PDXDC1: variants seen among roughly 807,000 people sequenced by gnomAD.
PDXDC1 encodes the protein pyridoxal dependent decarboxylase domain containing 1.
In PDXDC1, 42 loss-of-function variants were observed where a neutral mutation model predicts 100.1. The observed-to-expected ratio is 0.42, with a 90% CI of 0.33 to 0.54. The LOEUF (loss-of-function observed/expected upper bound fraction) is 0.54. Among genes scored for constraint, PDXDC1 ranks in the 20% least tolerant of loss-of-function variants. The probability of loss-of-function intolerance (pLI) is 0.10; values close to 1 mark genes in which losing one functional copy is unlikely to be tolerated. For missense variants in PDXDC1, 636 were observed against 979.2 expected (o/e 0.65, Z 4.68); for synonymous variants, 260 against 371.7 (o/e 0.70, Z 3.46).
At chr16:15,031,706 C>A in intron 16 of PDXDC1, 29 bp from the exon 17 acceptor site, 2 of 1,590,168 alleles carry the variant, frequency 1.3e-6, no homozygotes, top group East Asian at 2.3e-5. Flanking sequence ...ATCTCGTGAG[C>A]ATTTCTCTGA....
In PDXDC1 at chr16:15,037,389, T is replaced by A. The variant is rs1365286044; in HGVS notation, c.*1114T>A. 6.6e-6 allele frequency: 1 copy of A among 152,206 alleles called. No individual in the cohort carries two copies. The highest frequency in any genetic ancestry group is 1.5e-5 in the Non-Finnish European group (1 of 68,058). The allele number at this position is 152,206 out of a possible 1,614,324, so 9.4% of individuals were successfully genotyped here. On this transcript the variant is annotated 3_prime_UTR_variant, in exon 23 of 23. Coordinates refer to ENST00000396410, the MANE Select transcript of PDXDC1 (RefSeq NM_015027.4). Reference sequence around the variant, plus strand: ...TTCACACTGGGTTTCTGGACTGTAGTATTGGAAGCCTTAGTTATAGTATAT... The same window carrying A: ...TTCACACTGGGTTTCTGGACTGTAGAATTGGAAGCCTTAGTTATAGTATAT...
chr16:15,031,799 G>T lies in PDXDC1; in HGVS notation c.1464G>T (p.Val488=). 6.2e-7 allele frequency: 1 copy of T among 1,613,986 alleles called. No homozygotes were observed. The highest frequency in any genetic ancestry group is 1.1e-5 in the South Asian group (1 of 91,082). The change falls in exon 17 of 23, where the codon GTG becomes GTT. Residue 488 remains valine (V), a synonymous_variant. Coordinates refer to ENST00000396410, the MANE Select transcript of PDXDC1 (RefSeq NM_015027.4). ...CCTGCATAGAAAGCAAACTGCCAGT[G>T]CTGTGCTGTACGCTCCAGTTGCGTG... ...LVACIESKLP[V]LCCTLQLREE...
chr16:14,984,871 A>G (rs1050470868), intron 1 of PDXDC1, among the ~76,000 whole-genome samples: 6 of 152,278 alleles, frequency 3.9e-5, no homozygotes, highest in South Asian at 2.1e-4. Context: ...TTTTCAAAAG[A>G]TGAAATTTTT....
At chr16:15,099,660 AG>A (rs1466788283) in intron 16 of PDXDC1, among the ~76,000 whole-genome samples, 1 of 152,078 alleles carries the variant, frequency 6.6e-6, no homozygotes, top group Non-Finnish European at 1.5e-5. Context: ...CTCCAAAAAG[AG>A]AAACAACAAA....
At chr16:14,998,603 C>CAT (rs1178196940) in intron 3 of PDXDC1, among the ~76,000 whole-genome samples, 198 bp downstream of exon 3, 1 of 152,272 alleles carries the variant, frequency 6.6e-6, no homozygotes, top group Non-Finnish European at 1.5e-5. Flanking sequence ...CGTGCACCAC[C>CAT]ATATCTGGCT....
At chr16:15,094,417 A>G (rs1011003603) in intron 16 of PDXDC1, 1 of 626,422 alleles carries the variant, frequency 1.6e-6, no homozygotes, top group Non-Finnish European at 2.8e-6. Flanking sequence ...TTCTACTTGG[A>G]GGACTTGTTC....
downstream of PDXDC1, among the ~76,000 whole-genome samples, chr16:15,141,058 C>T (rs2048466263): frequency 6.7e-6 from 1 of 150,032 alleles, no homozygotes. Flanking sequence ...CGGCCTCCAT[C>T]CCTGAGCACC....
At chr16:15,074,980 C>T (rs1174677609) in intron 16 of PDXDC1, 16 of 1,031,720 alleles carry the variant, frequency 1.6e-5, no homozygotes, top group South Asian at 1.4e-4. Flanking sequence ...CTGGGGAAAG[C>T]GGCTCACATC....
intron 16 of PDXDC1, among the ~76,000 whole-genome samples, chr16:15,086,610 A>T (rs1368145236): frequency 2.6e-5 from 4 of 152,258 alleles, no homozygotes; most frequent in African/African-American, 4.8e-5. Flanking sequence ...ACAGAAAAAG[A>T]TGTCACAATA....
At chr16:15,032,474 C>T (rs945726270) in intron 17 of PDXDC1, 2 of 174,798 alleles carry the variant, frequency 1.1e-5, no homozygotes, top group African/African-American at 2.4e-5. Flanking sequence ...GACAACATGG[C>T]GAAACCCCAT....
intron 16 of PDXDC1, among the ~76,000 whole-genome samples, chr16:15,073,358 G>C (rs1349651737): frequency 6.6e-6 from 1 of 152,196 alleles, no homozygotes; most frequent in Admixed American, 6.5e-5. Context: ...ATGGGAGGCT[G>C]AGGCGGATGA....
chr16:15,040,577 C>G (rs1441928359), downstream of PDXDC1: 1 of 173,514 alleles, frequency 5.8e-6, no homozygotes, highest in African/African-American at 2.4e-5. Context: ...CCGCGGGAGT[C>G]CTGGGGCTGC....
chr16:15,012,317 C>G (rs1278894720), intron 8 of PDXDC1, among the ~76,000 whole-genome samples: 1 of 152,220 alleles, frequency 6.6e-6, no homozygotes, highest in Non-Finnish European at 1.5e-5. Flanking sequence ...GTTGGCCAGG[C>G]TGGTCTTGAA....
At chr16:15,023,156 A>C (rs1299310423) in intron 13 of PDXDC1, among the ~76,000 whole-genome samples, 1 of 152,294 alleles carries the variant, frequency 6.6e-6, no homozygotes, top group Non-Finnish European at 1.5e-5. Flanking sequence ...ACCTTCTGCC[A>C]TCAGTTTTCA....
chr16:15,100,738 G>T lies in PDXDC1; in HGVS notation c.1400-38141G>T, dbSNP rs372597737. ...ACACACCTGTGGTCCCAGCTATATG[G>T]GAGGGTGAGGCAGGAGAATTGCTTG... is the stretch of plus-strand genomic sequence containing the variant. On this transcript the variant is annotated intron_variant, in intron 16 of 16. Coordinates refer to the PDXDC1 transcript ENST00000535621. Among the ~76,000 whole-genome samples, 6 of 152,318 alleles carry T rather than the reference G, an allele frequency of 3.9e-5. No homozygotes were observed. In the South Asian group the frequency reaches 1.2e-3, roughly 32 times the overall value.
intron 16 of PDXDC1, chr16:15,044,350 G>C: frequency 1.2e-6 from 2 of 1,610,602 alleles, no homozygotes; most frequent in Non-Finnish European, 1.7e-6. Flanking sequence ...GTTGATGAGT[G>C]AGTTTTTGTG....
rs2043139793 is a variant in PDXDC1 at position 15,032,676 on chromosome 16, C to T, written c.1572-185C>T. On this transcript the variant is annotated intron_variant, in intron 17 of 22. Transcript: ENST00000396410. ...TTTAAAAAAAAAAAAAAAAGGCTTT[C>T]CTGTGACTTTCTCTTTACTCCTGGC... 1.2e-5 allele frequency: 4 copies of T among 339,226 alleles called. No individual in the cohort carries two copies. In the South Asian group the frequency reaches 1.4e-4, roughly 12 times the overall value. The allele number at this position is 339,226 out of a possible 1,614,324, so 21.0% of individuals were successfully genotyped here.
intron 8 of PDXDC1, among the ~76,000 whole-genome samples, chr16:15,014,033 C>G (rs1452123961): frequency 3.3e-5 from 5 of 152,226 alleles, no homozygotes; most frequent in African/African-American, 1.2e-4. Flanking sequence ...ATGGCGAAAC[C>G]CTGTCTCTAC....
At chr16:15,053,456 A>C (rs1279103542) in intron 16 of PDXDC1, among the ~76,000 whole-genome samples, 2 of 151,414 alleles carry the variant, frequency 1.3e-5, no homozygotes, top group African/African-American at 2.4e-5. Flanking sequence ...TTATAAAACA[A>C]CATATAGTAA....
Sources: gnomAD v4.1 joint callset for allele counts (sites outside exome capture counted in the v4.1 genomes callset) on GRCh38, gnomAD v4.1.1 for gene constraint, MANE v1.5 for transcripts, NCBI Gene and HGNC (gene_info 2026-07-23, HGNC 2026-07-21) for gene names.